Variants in NRXN3 observed in about 807,000 individuals in gnomAD.
The protein encoded by NRXN3 is neurexin III.
A neutral mutation model predicts 137.6 loss-of-function variants in NRXN3; 32 were observed. The ratio of observed to expected loss-of-function variants is 0.23; its 90% CI spans 0.18 to 0.31. NRXN3 has a LOEUF of 0.31. NRXN3 is among the 10% of genes least tolerant of loss of function. The pLI is 1.00. For missense variants in NRXN3, 1,574 were observed against 2,062.5 expected, an observed-to-expected ratio of 0.76 and a Z score of 4.59; for synonymous variants, 798 against 784.5, an observed-to-expected ratio of 1.02 and a Z score of -0.29.
intron 15 of NRXN3, among the ~76,000 whole-genome samples, chr14:79,440,775 G>A (rs1188810897): frequency 2.0e-5 from 3 of 152,090 alleles, no homozygotes; most frequent in East Asian, 1.9e-4. Context: ...GACCAGCATC[G>A]AGAGTAGGAG....
chr14:79,362,450 T>C (rs764274206), intron 15 of NRXN3, among the ~76,000 whole-genome samples: 12 of 152,120 alleles, frequency 7.9e-5, no homozygotes, highest in Non-Finnish European at 1.3e-4. Flanking sequence ...ACAAATAACA[T>C]TGTCAGTTTA....
intron 16 of NRXN3, among the ~76,000 whole-genome samples, chr14:79,509,768 A>G (rs2096914862): frequency 6.6e-6 from 1 of 152,098 alleles, no homozygotes; most frequent in South Asian, 2.1e-4. Flanking sequence ...TCAACTAAAA[A>G]TAAAATTTTA....
At chr14:79,022,479 C>T (rs899437724) in intron 15 of NRXN3, among the ~76,000 whole-genome samples, 1 of 152,106 alleles carries the variant, frequency 6.6e-6, no homozygotes, top group Admixed American at 6.6e-5. Context: ...GGTCCACTGA[C>T]AGGTCAAAAG....
At chr14:79,672,367 A>G (rs2098613062) in intron 17 of NRXN3, among the ~76,000 whole-genome samples, 1 of 152,098 alleles carries the variant, frequency 6.6e-6, no homozygotes, top group African/African-American at 2.4e-5. Context: ...CCAGGGATGT[A>G]AGATAAAGAA....
At chr14:79,324,193 C>T (rs2090511251) in intron 15 of NRXN3, among the ~76,000 whole-genome samples, 1 of 152,208 alleles carries the variant, frequency 6.6e-6, no homozygotes, top group Non-Finnish European at 1.5e-5. Flanking sequence ...CAGACAGAAT[C>T]AGGCCTATAA....
intron 15 of NRXN3, among the ~76,000 whole-genome samples, chr14:79,119,931 C>T (rs1786541594): frequency 6.6e-6 from 1 of 152,036 alleles, no homozygotes; most frequent in Non-Finnish European, 1.5e-5. Context: ...TCATTGAAAT[C>T]AATAACAATT....
chr14:78,419,255 T>G (rs971035901), intron 4 of NRXN3, among the ~76,000 whole-genome samples: 1 of 152,302 alleles, frequency 6.6e-6, no homozygotes, highest in African/African-American at 2.4e-5. Context: ...TTATTTTATT[T>G]TTTGATAGGG....
chr14:79,011,975 A>G (rs1336538844), intron 15 of NRXN3, among the ~76,000 whole-genome samples: 1 of 152,204 alleles, frequency 6.6e-6, no homozygotes, highest in East Asian at 1.9e-4. Flanking sequence ...CACTGATTTG[A>G]CTCATTCCAT....
In NRXN3 at chr14:78,456,795, T is replaced by TTCTC. The variant is rs1309983764; in HGVS notation, c.757+158939_757+158942dup. On this transcript the variant is annotated intron_variant, in intron 4 of 20. Coordinates refer to ENST00000335750, the MANE Select transcript of NRXN3 (RefSeq NM_001330195.2). ...GATTTCTTTCCCTTTCTCTCTCTCT[T>TTCTC]TCTCTCTTTCTTTCTTTCTTTCTTT... is the stretch of plus-strand genomic sequence containing the variant. Among the ~76,000 whole-genome samples, 539 of 147,192 alleles carry TTCTC rather than the reference T, an allele frequency of 3.7e-3. 5 individuals carry two copies. Among genetic ancestry groups the TTCTC allele is most frequent in the Admixed American group, 8.6e-3 (127 of 14,736 alleles).
At chr14:79,414,535 G>T (rs1271900712) in intron 15 of NRXN3, among the ~76,000 whole-genome samples, 3 of 152,090 alleles carry the variant, frequency 2.0e-5, no homozygotes, top group Non-Finnish European at 4.4e-5. Context: ...AAAAAATGTA[G>T]AGAGTATTTC....
chr14:79,603,815 G>T (rs1360086416), intron 16 of NRXN3, among the ~76,000 whole-genome samples: 1 of 152,162 alleles, frequency 6.6e-6, no homozygotes. Context: ...TGCTCCATGA[G>T]ATTCTTTTCA....
At chr14:79,836,446 A>T (rs2099343914) in intron 20 of NRXN3, among the ~76,000 whole-genome samples, 1 of 116,618 alleles carries the variant, frequency 8.6e-6, no homozygotes, top group African/African-American at 3.3e-5. Flanking sequence ...GCTCATGAGA[A>T]AGTTCCATCC....
chr14:79,097,764 G>T (rs1047411303), intron 15 of NRXN3, among the ~76,000 whole-genome samples: 8 of 152,124 alleles, frequency 5.3e-5, no homozygotes, highest in Non-Finnish European at 2.9e-5. Context: ...TCATGTAAAT[G>T]TAGTATTCCC....
chr14:79,750,869 C>T (rs540625911), intron 19 of NRXN3, among the ~76,000 whole-genome samples: 1 of 152,034 alleles, frequency 6.6e-6, no homozygotes, highest in Non-Finnish European at 1.5e-5. Flanking sequence ...CCAGAGAGAA[C>T]CTTAGATAGG....
intron 8 of NRXN3, among the ~76,000 whole-genome samples, chr14:78,717,757 A>G (rs866857706): frequency 7.9e-5 from 12 of 152,314 alleles, no homozygotes; most frequent in Middle Eastern, 3.4e-3. Context: ...AAAAAATCCA[A>G]AACAGAAACA....
chr14:78,564,892 G>A (rs149841944), intron 4 of NRXN3, among the ~76,000 whole-genome samples: 1 of 152,110 alleles, frequency 6.6e-6, no homozygotes, highest in Non-Finnish European at 1.5e-5. Context: ...TCAGGGATCA[G>A]ATTATGTTCC....
Position 78,865,206 on chromosome 14 carries a change from T to C in NRXN3, c.2275+54862T>C, listed in dbSNP as rs59271106. Among the ~76,000 whole-genome samples the C allele has an allele frequency of 3.8e-3, 576 of 152,318 alleles. 5 individuals carry two copies. Among genetic ancestry groups the C allele is most frequent in the African/African-American group, 0.013 (533 of 41,570 alleles). ...TTATCTACTCATGAACAACCATTATTAACTCACTATTAATCATTGATTACA... is the reference window on the plus strand; with the variant it reads ...TTATCTACTCATGAACAACCATTATCAACTCACTATTAATCATTGATTACA... On this transcript the variant is annotated intron_variant, in intron 10 of 20. Coordinates refer to ENST00000335750, the MANE Select transcript of NRXN3 (RefSeq NM_001330195.2).
chr14:79,612,900 C>T (rs981969141), intron 16 of NRXN3, among the ~76,000 whole-genome samples: 1 of 152,104 alleles, frequency 6.6e-6, no homozygotes, highest in African/African-American at 2.4e-5. Flanking sequence ...ACCAAATCTC[C>T]AATTTTATTT....
chr14:79,279,620 GC>G (rs2080919119), intron 15 of NRXN3: 1 of 987,016 alleles, frequency 1.0e-6, no homozygotes, highest in South Asian at 4.7e-5. Context: ...TGCTGCTGCT[GC>G]TGGTTTTCAT....
Sources: gnomAD v4.1 joint callset for allele counts (sites outside exome capture counted in the v4.1 genomes callset) on GRCh38, gnomAD v4.1.1 for gene constraint, MANE v1.5 for transcripts, NCBI Gene and HGNC (gene_info 2026-07-23, HGNC 2026-07-21) for gene names.